Variants in SLC12A5 observed in about 807,000 individuals in gnomAD.
The protein encoded by SLC12A5 is solute carrier family 12 member 5, also known as K-Cl cotransporter 2.
SLC12A5 carries 18 observed loss-of-function variants against 124.0 expected under a neutral mutation model. The observed-to-expected ratio is 0.15, with a 90% CI of 0.10 to 0.22. The LOEUF (loss-of-function observed/expected upper bound fraction) is 0.22. Among genes scored for constraint, SLC12A5 ranks in the 10% least tolerant of loss-of-function variants. The pLI is 1.00. For synonymous variants in SLC12A5, 589 were observed against 568.0 expected, an observed-to-expected ratio of 1.04 and a Z score of -0.53; for missense variants, 867 against 1,478.7, an observed-to-expected ratio of 0.59 and a Z score of 6.78.
chr20:46,055,795 T>C, intron 21 of SLC12A5: 1 of 261,488 alleles, frequency 3.8e-6, no homozygotes, highest in Non-Finnish European at 7.4e-6. Context: ...ATGGGAAGGA[T>C]GGATCCTCCA....
At chr20:46,040,923 C>T (rs2084540223) in intron 7 of SLC12A5, 1 of 435,638 alleles carries the variant, frequency 2.3e-6, no homozygotes, top group Admixed American at 3.9e-5. Flanking sequence ...GGAAACCTTT[C>T]CTGGGTGGGG....
intron 17 of SLC12A5, 69 bp downstream of exon 17, chr20:46,049,859 G>A (rs1416442694): frequency 6.2e-6 from 9 of 1,453,408 alleles, no homozygotes; most frequent in Admixed American, 2.7e-5. Context: ...CTATCCTTTT[G>A]TACTTTCCTT....
chr20:46,023,376 A>G (rs6104432), exon 3 of SLC12A5: 11,306 of 398,646 alleles, frequency 0.028, 1,073 homozygotes, highest in African/African-American at 0.21. Flanking sequence ...CAGCAAATCC[A>G]ACTGATCCCC....
chr20:46,044,050 G>A (rs1009273313), intron 11 of SLC12A5, 117 bp downstream of exon 11: 1 of 913,126 alleles, frequency 1.1e-6, no homozygotes, highest in Admixed American at 2.7e-5. Context: ...GTGGGAGGGA[G>A]GCCACGGGGA....
chr20:46,060,008 T>C lies in SLC12A5; in HGVS notation c.*2403T>C, dbSNP rs546005469. 2.5e-4 allele frequency: 47 copies of C among 189,648 alleles called. No homozygotes were observed. The highest frequency in any genetic ancestry group is 5.4e-5 in the Non-Finnish European group (5 of 92,706). The allele number at this position is 189,648 out of a possible 1,614,324, so 11.7% of individuals were successfully genotyped here. ...CTGCCTCAGTATTGATCTTGTGTTC[T>C]TTGTGCCAATATGAAAAGGAGAGGG... On this transcript the variant is annotated 3_prime_UTR_variant, in exon 26 of 26. Transcript: ENST00000243964.
rs1242142680 is a variant in SLC12A5, at chr20:46,057,117, A to G, written c.3126-53A>G. The G allele has an allele frequency of 6.2e-7, 1 of 1,609,380 alleles. No homozygotes were observed. ...CGGGCTGGAAGGGCGACTGGCTCCAATCTTCTCTACCCCCCCGGCTCACGC... is the reference window on the plus strand; with the variant it reads ...CGGGCTGGAAGGGCGACTGGCTCCAGTCTTCTCTACCCCCCCGGCTCACGC... On this transcript the variant is annotated intron_variant, in intron 24 of 25. Coordinates refer to ENST00000243964, the MANE Select transcript of SLC12A5 (RefSeq NM_020708.5). This position sits in a 1 kb window ranked among gnomAD's most constrained non-coding sequence, Gnocchi z 7.1.
At position 46,057,857 on chromosome 20, in the gene SLC12A5, C is replaced by G; in HGVS notation, c.*252C>G. 1 of 445,668 alleles carries G rather than the reference C, an allele frequency of 2.2e-6. No individual in the cohort carries two copies. The highest frequency in any genetic ancestry group is 3.9e-6 in the Non-Finnish European group (1 of 253,404). 27.6% of individuals were successfully genotyped at this position (445,668 alleles called of 1,614,324 possible). A position where few individuals can be genotyped will look rare whatever the true frequency, so the allele number is the denominator to read the frequency against. Reference sequence around the variant, plus strand: ...TTCGCTGCCCTTTTTCTAAGCCCGGCCTCGTCTCGCCGGAGGAGACGCTGC... The same window carrying G: ...TTCGCTGCCCTTTTTCTAAGCCCGGGCTCGTCTCGCCGGAGGAGACGCTGC... On this transcript the variant is annotated 3_prime_UTR_variant, in exon 26 of 26. Coordinates refer to ENST00000243964, the MANE Select transcript of SLC12A5 (RefSeq NM_020708.5). The surrounding 1 kb of genome is among the most constrained non-coding windows in gnomAD (Gnocchi z 7.1).
At chr20:46,026,612 T>A (rs533661535), upstream of SLC12A5, among the ~76,000 whole-genome samples, 18 of 152,374 alleles carry the variant, frequency 1.2e-4, no homozygotes, top group East Asian at 2.5e-3. Context: ...AAGGGATATG[T>A]GGCTTTGGTC....
chr20:46,040,984 A>G, intron 7 of SLC12A5: 1 of 393,240 alleles, frequency 2.5e-6, no homozygotes, highest in Non-Finnish European at 4.7e-6. Flanking sequence ...CTCCTCCAGG[A>G]TGGGAAAAGA....
In SLC12A5 at chr20:46,043,536, C is replaced by T. The variant is rs181009333; in HGVS notation, c.1238-97C>T. 47 of 1,333,702 alleles carry T rather than the reference C, an allele frequency of 3.5e-5. No individual in the cohort carries two copies. The African/African-American group carries it at 5.9e-4, about 17-fold the overall frequency. The allele number at this position is 1,333,702 out of a possible 1,614,324, so 82.6% of individuals were successfully genotyped here. ...ACAAGCCAGTATGTTAGGACTAGAT[C>T]CCAGACTCACTGACCCTGAGGGTGG... On this transcript the variant is annotated intron_variant, in intron 9 of 25. Coordinates refer to ENST00000243964, the MANE Select transcript of SLC12A5 (RefSeq NM_020708.5).
rs1266860668 is a variant in SLC12A5, at chr20:46,059,203, A to G, written c.*1598A>G. ...CCAGCCCCAGGGCCCTGACCTGCGC[A>G]CCTAGCTTGACATCTCACGCACCTC... On this transcript the variant is annotated 3_prime_UTR_variant, in exon 26 of 26. Transcript: ENST00000243964. 1 of 230,490 alleles carries G rather than the reference A, an allele frequency of 4.3e-6. No homozygotes were observed. Among genetic ancestry groups the G allele is most frequent in the Non-Finnish European group, 8.3e-6 (1 of 120,224 alleles). 14.3% of individuals were successfully genotyped at this position (230,490 alleles called of 1,614,324 possible). A position where few individuals can be genotyped will look rare whatever the true frequency, so the allele number is the denominator to read the frequency against.
chr20:46,043,154 G>T lies in SLC12A5; in HGVS notation c.1068G>T (p.Glu356Asp). ...CCTGAGCATTCTGTCTCCCCACAGA[G>T]AACCTCTGGAGCTCCTACCTGACCA... Reference protein sequence around the residue: ...IPGAASGLIKENLWSSYLTKG... With the variant: ...IPGAASGLIKDNLWSSYLTKG... The change falls in exon 9 of 26, where the codon GAG becomes GAT. Residue 356 changes from glutamate (E) to aspartate (D), a missense_variant and splice_region_variant. Glu to Asp is a conservative substitution (Grantham distance 45). Coordinates refer to ENST00000243964, the MANE Select transcript of SLC12A5 (RefSeq NM_020708.5). 3 of 1,613,430 alleles carry T rather than the reference G, an allele frequency of 1.9e-6. No individual in the cohort carries two copies. Among genetic ancestry groups the T allele is most frequent in the Admixed American group, 1.7e-5 (1 of 59,972 alleles).
In SLC12A5 at chr20:46,053,531, C is replaced by A. The variant is rs192268719; in HGVS notation, c.2548-47C>A. ...GACAGGGCCTGGCCCTGGATCTCCT[C>A]ATCACATCTGGGCTGGACCTTTCTG... On this transcript the variant is annotated intron_variant, in intron 19 of 25. Coordinates refer to ENST00000243964, the MANE Select transcript of SLC12A5 (RefSeq NM_020708.5). The surrounding 1 kb of genome is among the most constrained non-coding windows in gnomAD (Gnocchi z 4.7). 3.7e-6 allele frequency: 6 copies of A among 1,608,888 alleles called. No individual in the cohort carries two copies. The highest frequency in any genetic ancestry group is 8.5e-7 in the Non-Finnish European group (1 of 1,178,246).
In SLC12A5 at chr20:46,057,344, G is replaced by A. The variant is rs778355902; in HGVS notation, c.3259+41G>A. ...AATTGGGGGAAAGAGGGAGGTGGAC[G>A]TCAGGGAATCTGGGTCCTGTCCCTG... On this transcript the variant is annotated intron_variant, in intron 25 of 25. Coordinates refer to ENST00000243964, the MANE Select transcript of SLC12A5 (RefSeq NM_020708.5). The surrounding 1 kb of genome is among the most constrained non-coding windows in gnomAD (Gnocchi z 7.1). 3.1e-6 allele frequency: 5 copies of A among 1,612,912 alleles called. No individual in the cohort carries two copies. Among genetic ancestry groups the A allele is most frequent in the South Asian group, 2.2e-5 (2 of 91,082 alleles).
chr20:46,048,636 T>C (rs1183559913), intron 16 of SLC12A5, among the ~76,000 whole-genome samples: 1 of 152,110 alleles, frequency 6.6e-6, no homozygotes, highest in Non-Finnish European at 1.5e-5. Flanking sequence ...TTTGGGAGGC[T>C]GAGGCAGGTG....
intron 11 of SLC12A5, 113 bp from the exon 12 acceptor site, chr20:46,044,853 C>T (rs2084579596): frequency 4.1e-6 from 5 of 1,205,398 alleles, no homozygotes; most frequent in Middle Eastern, 3.9e-4. Flanking sequence ...GTCACCCTTA[C>T]AGAACTTAGT....
At chr20:46,036,507 C>T in intron 4 of SLC12A5, 1 of 427,538 alleles carries the variant, frequency 2.3e-6, no homozygotes, top group Non-Finnish European at 4.4e-6. Context: ...GCTGGGATTT[C>T]CAGAGCTCTC....
chr20:46,054,995 A>AT lies in SLC12A5; in HGVS notation c.2762dup (p.Leu921PhefsTer5). 1 of 1,614,056 alleles carries AT rather than the reference A, an allele frequency of 6.2e-7. No homozygotes were observed. Among genetic ancestry groups the AT allele is most frequent in the Non-Finnish European group, 8.5e-7 (1 of 1,179,984 alleles). On this transcript the variant is annotated frameshift_variant, in exon 21 of 26. Transcript: ENST00000243964. LOFTEE classifies it high-confidence loss of function. ...CGTTCCCAGATCCTCAAACAGATGCATTTAACCAAGAATGAGCGGGAGCGG... is the reference window on the plus strand; with the variant it reads ...CGTTCCCAGATCCTCAAACAGATGCATTTTAACCAAGAATGAGCGGGAGCGG...
At chr20:46,035,740 T>A in intron 3 of SLC12A5, 37 bp from the exon 4 acceptor site, 1 of 1,588,446 alleles carries the variant, frequency 6.3e-7, no homozygotes, top group Non-Finnish European at 8.6e-7. Flanking sequence ...TTCGTAATGA[T>A]GAGGACTGCA....
Sources: allele counts gnomAD v4.1 joint callset (sites outside exome capture counted in the v4.1 genomes callset), GRCh38; gene constraint gnomAD v4.1.1; non-coding constraint Gnocchi (gnomAD v3.1); transcripts MANE v1.5; gene names NCBI Gene and HGNC (gene_info 2026-07-23, HGNC 2026-07-21).